The following EBF2 variants were observed in gnomAD, a reference collection of about 807,000 sequenced individuals.
EBF2 encodes the protein transcription factor COE2.
EBF2 carries 21 observed loss-of-function variants against 72.8 expected under a neutral mutation model. The observed-to-expected ratio is 0.29, with a 90% CI of 0.20 to 0.42. The LOEUF is 0.42. EBF2 is among the 10% of genes least tolerant of loss of function. The pLI is 1.00. For missense variants in EBF2, 637 were observed against 731.2 expected (o/e 0.87, Z 1.49); for synonymous variants, 299 against 274.2 (o/e 1.09, Z -0.89).
At chr8:25,956,107 G>C (rs1803940285) in intron 6 of EBF2, among the ~76,000 whole-genome samples, 2 of 151,668 alleles carry the variant, frequency 1.3e-5, no homozygotes, top group African/African-American at 4.8e-5. Context: ...TGGGGAGGGA[G>C]AGCATTATTC....
intron 6 of EBF2, among the ~76,000 whole-genome samples, chr8:25,976,594 T>C (rs1804272204): frequency 6.6e-6 from 1 of 152,154 alleles, no homozygotes; most frequent in East Asian, 1.9e-4. Context: ...GAGTTTGCAA[T>C]GCTCATGCCT....
In EBF2 at chr8:26,044,800, G is replaced by T. The variant is rs1465136436; in HGVS notation, c.60C>A (p.Gly20=). The change falls in exon 1 of 16, where the codon GGC becomes GGA. Residue 20 remains glycine, a synonymous_variant. Coordinates refer to ENST00000520164, the MANE Select transcript of EBF2 (RefSeq NM_022659.4). The surrounding 1 kb of genome is among the most constrained non-coding windows in gnomAD (Gnocchi z 4.1). ...AGGACCTGACCGAATCCATCTCCGC[G>T]CCCAGCGATTTCTCTTTCAGAGTTG... ...RGPTLKEKSL[G]AEMDSVRSWV... is the part of the protein sequence containing the mutation. 2 of 1,613,948 alleles carry T rather than the reference G, an allele frequency of 1.2e-6. No homozygotes were observed. The highest frequency in any genetic ancestry group is 1.7e-6 in the Non-Finnish European group (2 of 1,180,010).
intron 14 of EBF2, among the ~76,000 whole-genome samples, chr8:25,854,185 C>T (rs1345944502): frequency 6.6e-6 from 1 of 150,490 alleles, no homozygotes; most frequent in Admixed American, 6.6e-5. Flanking sequence ...TCATTTAAGG[C>T]TGTACTACTT....
At chr8:25,883,499 T>A (rs546364114) in intron 10 of EBF2, among the ~76,000 whole-genome samples, 4 of 152,220 alleles carry the variant, frequency 2.6e-5, no homozygotes, top group African/African-American at 9.6e-5. Context: ...ATTTTGTGTG[T>A]TTAGAGCACG....
At chr8:25,937,611 C>T (rs1436820411) in intron 6 of EBF2, among the ~76,000 whole-genome samples, 2 of 152,162 alleles carry the variant, frequency 1.3e-5, no homozygotes, top group African/African-American at 2.4e-5. Flanking sequence ...CATTTGACTA[C>T]ACTGGTAAGC....
chr8:25,879,823 C>A (rs1312624718), intron 10 of EBF2, among the ~76,000 whole-genome samples: 1 of 152,140 alleles, frequency 6.6e-6, no homozygotes, highest in Non-Finnish European at 1.5e-5. Flanking sequence ...CTTAGAAAGT[C>A]TCCATTGTCT....
At chr8:25,990,188 T>TACACAC (rs60406400) in intron 6 of EBF2, among the ~76,000 whole-genome samples, 1,545 of 146,356 alleles carry the variant, frequency 0.011, 10 homozygotes, top group African/African-American at 0.022. Context: ...CTATGGGTTA[T>TACACAC]ACACACACAC....
At position 25,851,358 on chromosome 8, in the gene EBF2, A is replaced by C. The variant is rs192862743; in HGVS notation, c.1529-597T>G. Among the ~76,000 whole-genome samples, 633 of 151,412 alleles carry C rather than the reference A, an allele frequency of 4.2e-3. 4 individuals are homozygous for C. The highest frequency in any genetic ancestry group is 0.015 in the African/African-American group (600 of 41,242). ...TCCCGTAATTTCAAGTGCTCTTGGGAAATATAGCTGCAAGTCGGCCTCCCC... is the reference window on the plus strand; with the variant it reads ...TCCCGTAATTTCAAGTGCTCTTGGGCAATATAGCTGCAAGTCGGCCTCCCC... On this transcript the variant is annotated intron_variant, in intron 14 of 15. Transcript: ENST00000520164.
At chr8:25,900,887 G>A (rs1249883614) in intron 7 of EBF2, among the ~76,000 whole-genome samples, 3 of 152,162 alleles carry the variant, frequency 2.0e-5, no homozygotes, top group East Asian at 3.8e-4. Context: ...CAGTTAGAAG[G>A]TGTAACGTCT....
rs1021384720 is a variant in EBF2, at chr8:25,844,492, G to T, written c.*117C>A. ...GATGCTGGCTCCTTGCAGACCCAAG[G>T]GTGTCCATCATGTTCATGTGGGGGC... On this transcript the variant is annotated 3_prime_UTR_variant, in exon 16 of 16. Coordinates refer to ENST00000520164, the MANE Select transcript of EBF2 (RefSeq NM_022659.4). 9 of 1,183,138 alleles carry T rather than the reference G, an allele frequency of 7.6e-6. No homozygotes were observed. The highest frequency in any genetic ancestry group is 1.1e-5 in the Non-Finnish European group (9 of 800,178). 73.3% of individuals were successfully genotyped at this position (1,183,138 alleles called of 1,614,324 possible). A position where few individuals can be genotyped will look rare whatever the true frequency, so the allele number is the denominator to read the frequency against.
chr8:25,861,309 C>G lies in EBF2; in HGVS notation c.1164G>C (p.Gln388His), dbSNP rs1194038099. Residue 388 changes from glutamine to histidine, a missense_variant and splice_region_variant, in exon 12 of 16, where the codon CAG becomes CAC. Coordinates refer to ENST00000520164, the MANE Select transcript of EBF2 (RefSeq NM_022659.4). ...EALYGTPHNN[Q>H]DIILKRAADI... ...AAAGGATAGGATGTCAGTATCTCAC[C>G]TGGTTATTGTGTGGTGTGCCATAAA... is the stretch of plus-strand genomic sequence containing the variant. 6.2e-7 allele frequency: 1 copy of G among 1,614,184 alleles called. No individual in the cohort carries two copies. The highest frequency in any genetic ancestry group is 8.5e-7 in the Non-Finnish European group (1 of 1,180,036).
intron 2 of EBF2, 196 bp from the exon 3 acceptor site, chr8:26,041,198 G>A (rs1047584906): frequency 4.8e-6 from 3 of 629,562 alleles, no homozygotes; most frequent in African/African-American, 1.8e-5. Flanking sequence ...GCCAAGACTC[G>A]TAGCCACTTG....
chr8:25,997,356 A>C (rs1455865709), intron 6 of EBF2, among the ~76,000 whole-genome samples: 1 of 152,132 alleles, frequency 6.6e-6, no homozygotes, highest in Middle Eastern at 3.2e-3. Flanking sequence ...AGACGGTTTG[A>C]GCTCGGGAAT....
intron 6 of EBF2, among the ~76,000 whole-genome samples, chr8:25,991,705 G>A (rs974438083): frequency 6.6e-6 from 1 of 152,078 alleles, no homozygotes; most frequent in African/African-American, 2.4e-5. Context: ...AATTAGCCAC[G>A]CATGGTGGCG....
intron 4 of EBF2, 97 bp from the exon 5 acceptor site, chr8:26,040,198 C>T (rs890850943): frequency 1.6e-6 from 2 of 1,254,964 alleles, no homozygotes; most frequent in African/African-American, 2.9e-5. Flanking sequence ...GCTTTCCCTC[C>T]CACTACCTGC....
At chr8:25,846,628 G>A (rs998102231) in intron 15 of EBF2, among the ~76,000 whole-genome samples, 6 of 152,164 alleles carry the variant, frequency 3.9e-5, no homozygotes, top group Non-Finnish European at 8.8e-5. Flanking sequence ...GGTCAAGGCT[G>A]CAGTGAGCCA....
At chr8:25,852,836 T>TTATC (rs1802009694) in intron 14 of EBF2, among the ~76,000 whole-genome samples, 2 of 152,030 alleles carry the variant, frequency 1.3e-5, no homozygotes, top group South Asian at 2.1e-4. Context: ...ATTACTATGT[T>TTATC]TATCTGTTTC....
At chr8:26,040,864 C>G in intron 3 of EBF2, 75 bp downstream of exon 3, 1 of 1,596,884 alleles carries the variant, frequency 6.3e-7, no homozygotes. Flanking sequence ...TGAGAGTGAT[C>G]ATGGCAAGGT....
intron 15 of EBF2, among the ~76,000 whole-genome samples, chr8:25,848,733 G>A (rs908564501): frequency 2.0e-5 from 3 of 152,126 alleles, no homozygotes; most frequent in African/African-American, 7.2e-5. Flanking sequence ...CAGGAATGAG[G>A]AAAGGGCTGC....
Sources: gnomAD v4.1 joint callset for allele counts (sites outside exome capture counted in the v4.1 genomes callset) on GRCh38, gnomAD v4.1.1 for gene constraint, Gnocchi (gnomAD v3.1) non-coding constraint, MANE v1.5 for transcripts, NCBI Gene and HGNC (gene_info 2026-07-23, HGNC 2026-07-21) for gene names.